Variants in TBC1D5 observed in about 807,000 individuals in gnomAD.
TBC1D5 encodes the protein TBC1 domain family, member 5.
In TBC1D5, 75 loss-of-function variants were observed where a neutral mutation model predicts 100.3. That is an observed-to-expected ratio of 0.75 (90% CI 0.62 to 0.91). The LOEUF is 0.91. Ranked by LOEUF, TBC1D5 falls within the 40% of genes least tolerant of loss-of-function variation. TBC1D5 has a pLI of 0.00. For synonymous variants in TBC1D5, 323 were observed against 325.6 expected, an observed-to-expected ratio of 0.99 and a Z score of 0.09; for missense variants, 910 against 942.4, an observed-to-expected ratio of 0.97 and a Z score of 0.45.
At chr3:17,238,396 A>G in exon 17 of TBC1D5, 3 of 1,613,470 alleles carry the variant, frequency 1.9e-6, no homozygotes, top group Non-Finnish European at 2.5e-6. Flanking sequence ...ATTTATATTC[A>G]GGGGAGCACC....
At chr3:17,730,438 CCTT>C (rs2076465631) in intron 1 of TBC1D5, among the ~76,000 whole-genome samples, 1 of 152,166 alleles carries the variant, frequency 6.6e-6, no homozygotes, top group Admixed American at 6.5e-5. Context: ...TTAGAGCACT[CCTT>C]CTTAGAAACT....
At chr3:17,229,051 G>C (rs920326983) in intron 17 of TBC1D5, among the ~76,000 whole-genome samples, 2 of 152,230 alleles carry the variant, frequency 1.3e-5, no homozygotes, top group African/African-American at 4.8e-5. Flanking sequence ...AAATAGACAG[G>C]CAGAACCCCA....
chr3:17,368,554 C>T (rs1266844418), intron 13 of TBC1D5, among the ~76,000 whole-genome samples: 1 of 151,912 alleles, frequency 6.6e-6, no homozygotes, highest in Non-Finnish European at 1.5e-5. Context: ...AACACTTTTC[C>T]CCCATGTAAA....
chr3:17,617,057 T>G (rs1162780769), intron 2 of TBC1D5, among the ~76,000 whole-genome samples: 1 of 152,238 alleles, frequency 6.6e-6, no homozygotes, highest in African/African-American at 2.4e-5. Context: ...ACTGCTTCCT[T>G]CAGGAGCTCG....
intron 1 of TBC1D5, among the ~76,000 whole-genome samples, chr3:17,700,589 G>A (rs1440467552): frequency 6.6e-6 from 1 of 152,100 alleles, no homozygotes; most frequent in Non-Finnish European, 1.5e-5. Flanking sequence ...ATCTGACAAA[G>A]AGCTAATATC....
chr3:17,185,935 T>C (rs2068991880), intron 18 of TBC1D5, among the ~76,000 whole-genome samples: 1 of 151,484 alleles, frequency 6.6e-6, no homozygotes, highest in Admixed American at 6.6e-5. Context: ...AATCGAACTG[T>C]AACAAAAGGA....
intron 4 of TBC1D5, among the ~76,000 whole-genome samples, chr3:17,420,811 T>C (rs938230901): frequency 6.6e-6 from 1 of 152,204 alleles, no homozygotes; most frequent in Non-Finnish European, 1.5e-5. Context: ...TCAGTGTTGA[T>C]TGACTCAGAG....
upstream of TBC1D5, among the ~76,000 whole-genome samples, chr3:17,741,744 CTG>C (rs1196540899): frequency 7.8e-5 from 11 of 141,012 alleles, no homozygotes; most frequent in Non-Finnish European, 1.4e-4. Context: ...TAGTGAAGGT[CTG>C]TGTGTTTTTC....
chr3:17,526,986 C>T (rs2096144587), intron 2 of TBC1D5, among the ~76,000 whole-genome samples: 1 of 152,132 alleles, frequency 6.6e-6, no homozygotes, highest in Non-Finnish European at 1.5e-5. Flanking sequence ...ATACATTCAA[C>T]TTAGTACTTA....
chr3:17,303,833 C>CTTTTTTT (rs140988557), intron 14 of TBC1D5, among the ~76,000 whole-genome samples: 1 of 84,484 alleles, frequency 1.2e-5, no homozygotes, highest in African/African-American at 4.9e-5. Context: ...CAATCTACCT[C>CTTTTTTT]TTTTTTTTTT....
intron 2 of TBC1D5, among the ~76,000 whole-genome samples, chr3:17,597,283 T>C (rs757826233): frequency 7.2e-5 from 11 of 152,214 alleles, no homozygotes; most frequent in Non-Finnish European, 1.6e-4. Flanking sequence ...AGAACATCTA[T>C]TGAGTGCTTA....
chr3:17,365,495 A>G (rs1488331161), intron 13 of TBC1D5, among the ~76,000 whole-genome samples: 1 of 152,208 alleles, frequency 6.6e-6, no homozygotes, highest in South Asian at 2.1e-4. Flanking sequence ...GTCTGACTTA[A>G]ATAAGGCCAG....
chr3:17,462,195 GT>G (rs1361567071), intron 3 of TBC1D5, among the ~76,000 whole-genome samples: 1 of 151,904 alleles, frequency 6.6e-6, no homozygotes, highest in Non-Finnish European at 1.5e-5. Context: ...TTGTTTGACT[GT>G]TTATTCATTG....
chr3:17,423,764 TA>T (rs1468395746), intron 4 of TBC1D5, among the ~76,000 whole-genome samples: 3 of 152,190 alleles, frequency 2.0e-5, no homozygotes, highest in African/African-American at 7.2e-5. Flanking sequence ...AAATTAGGGT[TA>T]AATATAATGT....
At chr3:17,315,000 A>G (rs1055656692) in intron 13 of TBC1D5, among the ~76,000 whole-genome samples, 3 of 152,234 alleles carry the variant, frequency 2.0e-5, no homozygotes, top group African/African-American at 7.2e-5. Flanking sequence ...CAATACAGGC[A>G]TCTGCCACTG....
chr3:17,607,821 AT>A (rs1560269191), intron 2 of TBC1D5, among the ~76,000 whole-genome samples: 1 of 152,278 alleles, frequency 6.6e-6, no homozygotes, highest in Non-Finnish European at 1.5e-5. Context: ...AAAACACTGC[AT>A]TTTAGGCAAC....
At chr3:17,404,528 A>T (rs931763011) in intron 7 of TBC1D5, among the ~76,000 whole-genome samples, 166 bp downstream of exon 7, 1 of 152,026 alleles carries the variant, frequency 6.6e-6, no homozygotes, top group Non-Finnish European at 1.5e-5. Context: ...CACAGTATAT[A>T]TATGTAATGT....
chr3:17,643,382 CTA>C, intron 1 of TBC1D5, among the ~76,000 whole-genome samples: 1 of 152,154 alleles, frequency 6.6e-6, no homozygotes, highest in Non-Finnish European at 1.5e-5. Flanking sequence ...CATAAAGTTA[CTA>C]TTTTTCTCTT....
Position 17,706,252 on chromosome 3 carries a change from ACTT to A in TBC1D5, c.-101+33088_-101+33090del, listed in dbSNP as rs980768286. 2.7e-5 allele frequency: 42 copies of A among 1,548,568 alleles called. No homozygotes were observed. The African/African-American group carries it at 5.8e-4, about 21-fold the overall frequency. ...CGGCGGCCACCACATTGATATTTGT[ACTT>A]CTTCACATACTCAGCTCTAAAGAGT... is the stretch of plus-strand genomic sequence containing the variant. On this transcript the variant is annotated intron_variant, in intron 1 of 21. Coordinates refer to ENST00000253692, the Ensembl canonical transcript of TBC1D5.
Sources: allele counts gnomAD v4.1 joint callset (sites outside exome capture counted in the v4.1 genomes callset), GRCh38; gene constraint gnomAD v4.1.1; transcripts MANE v1.5; gene names NCBI Gene and HGNC (gene_info 2026-07-23, HGNC 2026-07-21).